Variants in TAFA1 observed in about 807,000 individuals in gnomAD.
TAFA1 encodes the protein TAFA chemokine like family member 1.
TAFA1 carries 4 observed loss-of-function variants against 18.5 expected under a neutral mutation model. The observed-to-expected ratio is 0.22, with a 90% CI of 0.11 to 0.49. The LOEUF (loss-of-function observed/expected upper bound fraction) is 0.49. TAFA1 is among the 20% of genes least tolerant of loss of function. TAFA1 has a pLI of 0.98. For missense variants in TAFA1, 147 were observed against 169.0 expected, an observed-to-expected ratio of 0.87 and a Z score of 0.72; for synonymous variants, 56 against 55.2, an observed-to-expected ratio of 1.01 and a Z score of -0.06.
intron 2 of TAFA1, among the ~76,000 whole-genome samples, chr3:68,027,128 C>T (rs138248560): frequency 3.9e-3 from 589 of 152,204 alleles, no homozygotes; most frequent in Middle Eastern, 0.031. Flanking sequence ...CAATCACCTC[C>T]CACCAGGCCC....
intron 2 of TAFA1, among the ~76,000 whole-genome samples, chr3:68,261,970 T>TAA (rs368791090): frequency 1.4e-5 from 2 of 145,528 alleles, no homozygotes; most frequent in African/African-American, 5.1e-5. Context: ...TAATTTGAAA[T>TAA]AAAAAAAAAA....
At chr3:68,111,250 A>G (rs1352087858) in intron 2 of TAFA1, among the ~76,000 whole-genome samples, 1 of 152,188 alleles carries the variant, frequency 6.6e-6, no homozygotes, top group Non-Finnish European at 1.5e-5. Context: ...TGACTTTTCA[A>G]CCGAAATAAT....
At chr3:68,126,001 C>T (rs547407537) in intron 2 of TAFA1, among the ~76,000 whole-genome samples, 1 of 152,158 alleles carries the variant, frequency 6.6e-6, no homozygotes, top group Non-Finnish European at 1.5e-5. Flanking sequence ...CTGACGCCTG[C>T]AACAGAGGCC....
At chr3:68,317,677 C>G (rs1235386298) in intron 2 of TAFA1, among the ~76,000 whole-genome samples, 1 of 152,178 alleles carries the variant, frequency 6.6e-6, no homozygotes, top group African/African-American at 2.4e-5. Context: ...GGACCAGCTA[C>G]ATCATTCACA....
At chr3:68,234,568 T>C (rs1347116696) in intron 2 of TAFA1, among the ~76,000 whole-genome samples, 2 of 152,162 alleles carry the variant, frequency 1.3e-5, no homozygotes, top group Non-Finnish European at 2.9e-5. Flanking sequence ...TTCCCATTTT[T>C]CTATTTCCAA....
intron 2 of TAFA1, among the ~76,000 whole-genome samples, chr3:68,279,475 T>G (rs2067858647): frequency 6.6e-6 from 1 of 152,180 alleles, no homozygotes; most frequent in South Asian, 2.1e-4. Context: ...CATTAGATAC[T>G]GTGGGTCATA....
At chr3:68,059,560 G>A (rs1159657354) in intron 2 of TAFA1, among the ~76,000 whole-genome samples, 2 of 152,128 alleles carry the variant, frequency 1.3e-5, no homozygotes, top group Admixed American at 6.6e-5. Flanking sequence ...AGAGCAAGAG[G>A]GGGAATGCTG....
intron 2 of TAFA1, among the ~76,000 whole-genome samples, chr3:68,182,299 A>G (rs533546737): frequency 1.3e-5 from 2 of 152,274 alleles, no homozygotes; most frequent in African/African-American, 4.8e-5. Context: ...GGAAAATTGG[A>G]TACTATTCAT....
At chr3:68,122,937 A>C (rs2065418826) in intron 2 of TAFA1, among the ~76,000 whole-genome samples, 1 of 151,990 alleles carries the variant, frequency 6.6e-6, no homozygotes, top group South Asian at 2.1e-4. Flanking sequence ...ACATACACCA[A>C]ATTTTCATGA....
chr3:68,379,006 G>T (rs1420218354), intron 2 of TAFA1, among the ~76,000 whole-genome samples: 1 of 152,098 alleles, frequency 6.6e-6, no homozygotes, highest in Non-Finnish European at 1.5e-5. Context: ...ATAGTCGTGT[G>T]AAAACAGAAT....
At chr3:68,112,366 G>A (rs1023825950) in intron 2 of TAFA1, among the ~76,000 whole-genome samples, 10 of 152,136 alleles carry the variant, frequency 6.6e-5, no homozygotes, top group African/African-American at 1.7e-4. Context: ...TAAGGGTAAT[G>A]TGCCACATTA....
chr3:68,367,586 T>C (rs1245796817), intron 2 of TAFA1, among the ~76,000 whole-genome samples: 1 of 152,200 alleles, frequency 6.6e-6, no homozygotes, highest in Non-Finnish European at 1.5e-5. Flanking sequence ...ATCAAAGTGA[T>C]GTTCCTAATA....
At chr3:68,533,860 G>A (rs1428122121) in intron 3 of TAFA1, among the ~76,000 whole-genome samples, 1 of 152,148 alleles carries the variant, frequency 6.6e-6, no homozygotes, top group African/African-American at 2.4e-5. Flanking sequence ...CTTTGGCATA[G>A]TGAGTTTGTG....
intron 3 of TAFA1, among the ~76,000 whole-genome samples, chr3:68,470,356 G>A (rs537458508): frequency 5.3e-5 from 8 of 152,282 alleles, no homozygotes; most frequent in Non-Finnish European, 7.3e-5. Flanking sequence ...AGAGTGGGGT[G>A]CTGCTCTAAA....
At position 68,208,729 on chromosome 3, in the gene TAFA1, G is replaced by C. The variant is rs114655488; in HGVS notation, c.118+201985G>C. ...AAAAAGGACCAAGCCAGGCCTTCAG[G>C]TTGTTTGCATATGCCTGTAGCTCAG... On this transcript the variant is annotated intron_variant, in intron 2 of 4. Transcript: ENST00000478136. Among the ~76,000 whole-genome samples the C allele has an allele frequency of 8.3e-3, 1,260 of 152,062 alleles. 9 individuals are homozygous for C. Among genetic ancestry groups the C allele is most frequent in the Non-Finnish European group, 0.014 (920 of 67,924 alleles).
intron 2 of TAFA1, among the ~76,000 whole-genome samples, chr3:68,070,478 G>A (rs2064739777): frequency 6.6e-6 from 1 of 152,214 alleles, no homozygotes; most frequent in Non-Finnish European, 1.5e-5. Context: ...GGCTGTGATG[G>A]GACGGGCTGC....
intron 2 of TAFA1, among the ~76,000 whole-genome samples, chr3:68,128,569 A>C (rs1462623368): frequency 6.6e-6 from 1 of 152,206 alleles, no homozygotes; most frequent in Non-Finnish European, 1.5e-5. Context: ...GTTAGAGCAG[A>C]CTTCCCCACC....
At chr3:68,390,343 G>A (rs1008598652) in intron 2 of TAFA1, among the ~76,000 whole-genome samples, 1 of 152,150 alleles carries the variant, frequency 6.6e-6, no homozygotes, top group African/African-American at 2.4e-5. Flanking sequence ...GAAAGAAAGG[G>A]AGAAACCCCA....
intron 2 of TAFA1, among the ~76,000 whole-genome samples, chr3:68,222,349 C>T (rs2066741552): frequency 6.6e-6 from 1 of 152,098 alleles, no homozygotes; most frequent in Non-Finnish European, 1.5e-5. Flanking sequence ...TCTTTATTTG[C>T]AGAGTTAAAA....
Sources: gnomAD v4.1 joint callset for allele counts (sites outside exome capture counted in the v4.1 genomes callset) on GRCh38, gnomAD v4.1.1 for gene constraint, MANE v1.5 for transcripts, NCBI Gene and HGNC (gene_info 2026-07-23, HGNC 2026-07-21) for gene names.